TRAPPC11: variants seen among roughly 807,000 people sequenced by gnomAD.
TRAPPC11 encodes foie gras homolog.
In TRAPPC11, 104 loss-of-function variants were observed where a neutral mutation model predicts 151.2. The observed-to-expected ratio is 0.69, with a 90% confidence interval of 0.59 to 0.81. TRAPPC11 has a LOEUF of 0.81. Among genes scored for constraint, TRAPPC11 ranks in the 30% least tolerant of loss-of-function variants. TRAPPC11 has a pLI of 0.00. For missense variants in TRAPPC11, 1,230 were observed against 1,349.6 expected (o/e 0.91, Z 1.39); for synonymous variants, 456 against 472.3 (o/e 0.97, Z 0.45).
rs562251659 is a variant in TRAPPC11 at position 183,704,439 on chromosome 4, T to C, written c.2964-540T>C. On this transcript the variant is annotated intron_variant, in intron 26 of 29. Transcript: ENST00000334690. ...GGGAGGCTGAGGCAGGAGAATCACT[T>C]GAACCCAGGAGGTGGAGGTTGCAGT... Among the ~76,000 whole-genome samples, 4 of 148,882 alleles carry C rather than the reference T, an allele frequency of 2.7e-5. No homozygotes were observed. In the East Asian group the frequency reaches 7.9e-4, roughly 29 times the overall value.
rs1353598755 is a variant in TRAPPC11 at position 183,682,776 on chromosome 4, A to G, written c.1158A>G (p.Thr386=). 3.1e-6 allele frequency: 5 copies of G among 1,613,972 alleles called. No individual in the cohort carries two copies. Among genetic ancestry groups the G allele is most frequent in the South Asian group, 2.2e-5 (2 of 91,074 alleles). Residue 386 remains threonine, a synonymous_variant, in exon 11 of 30, where the codon ACA becomes ACG. Transcript: ENST00000334690. ...ATCCTGATCCCTTAGAAACACAAACAGGCGTTCTTGACTTTTATGGACAAA... is the reference window on the plus strand; with the variant it reads ...ATCCTGATCCCTTAGAAACACAAACGGGCGTTCTTGACTTTTATGGACAAA... ...YPNPDPLETQ[T]GVLDFYGQRS...
intron 19 of TRAPPC11, among the ~76,000 whole-genome samples, chr4:183,691,933 A>G (rs955971520): frequency 2.6e-5 from 4 of 152,198 alleles, no homozygotes; most frequent in Admixed American, 6.5e-5. Flanking sequence ...ATATATTTGT[A>G]AAGATTGATA....
intron 7 of TRAPPC11, chr4:183,675,457 TG>T (rs1735364237): frequency 3.7e-6 from 1 of 271,618 alleles, no homozygotes; most frequent in East Asian, 6.6e-5. Context: ...TAAAGCTTTC[TG>T]GTTTGATTAA....
Position 183,712,770 on chromosome 4 carries a change from T to A in TRAPPC11, c.*126T>A. ...CTTTTCTATTTTTTAATGGATGTTATACCAACTATTCAGAGGAACTCATAC... is the reference window on the plus strand; with the variant it reads ...CTTTTCTATTTTTTAATGGATGTTAAACCAACTATTCAGAGGAACTCATAC... On this transcript the variant is annotated 3_prime_UTR_variant, in exon 30 of 30. Transcript: ENST00000334690. The A allele has an allele frequency of 2.3e-6, 2 of 872,526 alleles. No homozygotes were observed. The allele number at this position is 872,526 out of a possible 1,614,324, so 54.0% of individuals were successfully genotyped here.
Position 183,684,189 on chromosome 4 carries a change from GAAGTAT to G in TRAPPC11, c.1337_1342del (p.Tyr446_Lys447del). The G allele has an allele frequency of 6.2e-7, 1 of 1,614,052 alleles. No individual in the cohort carries two copies. The highest frequency in any genetic ancestry group is 8.5e-7 in the Non-Finnish European group (1 of 1,179,966). On this transcript the variant is annotated inframe_deletion, in exon 13 of 30. Coordinates refer to ENST00000334690, the MANE Select transcript of TRAPPC11 (RefSeq NM_021942.6). ...TGAGCAATGCTGTTGCACAGTTCAA[GAAGTAT>G]AAGTGCCCGCGAATGAAAAGTCACC...
chr4:183,687,908 A>G (rs1197743998), intron 18 of TRAPPC11, among the ~76,000 whole-genome samples: 1 of 152,184 alleles, frequency 6.6e-6, no homozygotes, highest in East Asian at 1.9e-4. Context: ...ACATGAATAT[A>G]TAAGCAACTT....
chr4:183,685,961 C>A (rs1413304175), intron 17 of TRAPPC11, among the ~76,000 whole-genome samples: 1 of 152,134 alleles, frequency 6.6e-6, no homozygotes, highest in Non-Finnish European at 1.5e-5. Context: ...AGCCTCCTGA[C>A]TAGCTGAGAT....
rs754280711 is a variant in TRAPPC11, at chr4:183,708,394, T to C, written c.3190-13T>C. ...TATTTGATTATCTTTCTCTGTGACT[T>C]TTTATGATGCAGATTCGATTACGTA... is the stretch of plus-strand genomic sequence containing the variant. On this transcript the variant is annotated splice_polypyrimidine_tract_variant and intron_variant, in intron 28 of 29. Coordinates refer to ENST00000334690, the MANE Select transcript of TRAPPC11 (RefSeq NM_021942.6). 2 of 1,607,142 alleles carry C rather than the reference T, an allele frequency of 1.2e-6. No homozygotes were observed. The highest frequency in any genetic ancestry group is 4.5e-5 in the East Asian group (2 of 44,766).
In TRAPPC11 at chr4:183,668,007, A is replaced by G. The variant is rs147280840; in HGVS notation, c.450A>G (p.Glu150=). ...CTTGATGGGGATTATCAACAGGAGA[A>G]GATGTCATTGCTTCAGAAAGGGCTG... ...IQKKTPLPPG[E]DVIASERAAA... The change falls in exon 5 of 30, where the codon GAA becomes GAG. Residue 150 remains glutamate, a synonymous_variant. Transcript: ENST00000334690. 8.8e-6 allele frequency: 14 copies of G among 1,590,470 alleles called. No individual in the cohort carries two copies. The highest frequency in any genetic ancestry group is 1.2e-5 in the Non-Finnish European group (14 of 1,159,262).
intron 29 of TRAPPC11, among the ~76,000 whole-genome samples, chr4:183,712,134 G>A (rs1002708867): frequency 2.0e-5 from 3 of 152,142 alleles, no homozygotes; most frequent in Non-Finnish European, 4.4e-5. Context: ...GTCCCCAAAA[G>A]GAACTTACCT....
At chr4:183,702,606 C>T (rs1408572300) in intron 26 of TRAPPC11, among the ~76,000 whole-genome samples, 5 of 151,966 alleles carry the variant, frequency 3.3e-5, no homozygotes, top group African/African-American at 7.3e-5. Context: ...CTTAGGACTA[C>T]GTACATAATT....
chr4:183,700,006 A>C (rs1736726395), intron 25 of TRAPPC11, among the ~76,000 whole-genome samples: 1 of 151,928 alleles, frequency 6.6e-6, no homozygotes, highest in Non-Finnish European at 1.5e-5. Context: ...TTGTATTTTT[A>C]GTAGAGACAG....
At chr4:183,708,966 C>A (rs1391379710) in intron 29 of TRAPPC11, among the ~76,000 whole-genome samples, 1 of 151,226 alleles carries the variant, frequency 6.6e-6, no homozygotes, top group African/African-American at 2.4e-5. Context: ...AAATGATCAT[C>A]TCTCAGAAAC....
chr4:183,712,942 T>C lies in TRAPPC11; in HGVS notation c.*298T>C, dbSNP rs1349687971. ...CTATGAAAAGTAAGTGATTTGCATG[T>C]ATAATATCAGGAAAATTAAGCATCC... On this transcript the variant is annotated 3_prime_UTR_variant, in exon 30 of 30. Coordinates refer to ENST00000334690, the MANE Select transcript of TRAPPC11 (RefSeq NM_021942.6). 2.8e-6 allele frequency: 1 copy of C among 351,856 alleles called. No individual in the cohort carries two copies. The highest frequency in any genetic ancestry group is 5.1e-6 in the Non-Finnish European group (1 of 195,820). 21.8% of individuals were successfully genotyped at this position (351,856 alleles called of 1,614,324 possible).
At chr4:183,684,899 A>C (rs1421450574) in intron 15 of TRAPPC11, 58 bp downstream of exon 15, 1 of 1,519,122 alleles carries the variant, frequency 6.6e-7, no homozygotes, top group African/African-American at 1.4e-5. Flanking sequence ...AGCATCTTTA[A>C]GCTTTTTAAA....
chr4:183,674,192 T>A (rs1735294982), intron 5 of TRAPPC11, among the ~76,000 whole-genome samples: 1 of 151,010 alleles, frequency 6.6e-6, no homozygotes, highest in South Asian at 2.1e-4. Flanking sequence ...GGTGGGCGGA[T>A]CACTTGAGGT....
intron 5 of TRAPPC11, among the ~76,000 whole-genome samples, chr4:183,671,466 A>G (rs549862218): frequency 7.9e-4 from 120 of 152,238 alleles, no homozygotes; most frequent in African/African-American, 2.8e-3. Context: ...CGCAGCCCCA[A>G]CTGCTGCTCC....
chr4:183,664,857 C>A (rs1423065079), intron 2 of TRAPPC11, among the ~76,000 whole-genome samples: 1 of 151,796 alleles, frequency 6.6e-6, no homozygotes, highest in Non-Finnish European at 1.5e-5. Flanking sequence ...ACATAGTAGT[C>A]TCTGGACCAA....
chr4:183,705,938 C>T (rs1319240913), intron 27 of TRAPPC11: 1 of 152,206 alleles, frequency 6.6e-6, no homozygotes, highest in African/African-American at 2.4e-5. Flanking sequence ...ATAGTGCTCA[C>T]TTCAACAGCA....
Sources: gnomAD v4.1 joint callset for allele counts (sites outside exome capture counted in the v4.1 genomes callset) on GRCh38, gnomAD v4.1.1 for gene constraint, MANE v1.5 for transcripts, NCBI Gene and HGNC (gene_info 2026-07-23, HGNC 2026-07-21) for gene names.